Variants in VAPB observed in about 807,000 individuals in gnomAD.
The protein encoded by VAPB is vesicle-associated membrane protein-associated protein B/C.
In VAPB, 7 loss-of-function variants were observed where a neutral mutation model predicts 25.6. The ratio of observed to expected loss-of-function variants is 0.27; its 90% confidence interval spans 0.16 to 0.51. The LOEUF (loss-of-function observed/expected upper bound fraction) is 0.51, where lower values mean the gene tolerates loss of function less well. Among genes scored for constraint, VAPB ranks in the 20% least tolerant of loss-of-function variants. VAPB has a pLI of 0.97. For synonymous variants in VAPB, 112 were observed against 109.2 expected (o/e 1.03, Z -0.16); for missense variants, 266 against 301.3 (o/e 0.88, Z 0.87).
chr20:58,447,943 G>A lies in VAPB; in HGVS notation c.*3708G>A, dbSNP rs943480583. 2.2e-6 allele frequency: 1 copy of A among 453,754 alleles called. No individual in the cohort carries two copies. Among genetic ancestry groups the A allele is most frequent in the Non-Finnish European group, 4.4e-6 (1 of 226,766 alleles). The allele number at this position is 453,754 out of a possible 1,614,324, so 28.1% of individuals were successfully genotyped here. On this transcript the variant is annotated 3_prime_UTR_variant, in exon 6 of 6. Transcript: ENST00000475243. Reference sequence around the variant, plus strand: ...AACATTTAACTCCTGAGACCTTCTCGGTGTAGAGGCCACTGCTTCCCCCTG... The same window carrying A: ...AACATTTAACTCCTGAGACCTTCTCAGTGTAGAGGCCACTGCTTCCCCCTG...
intron 1 of VAPB, among the ~76,000 whole-genome samples, chr20:58,392,338 T>C (rs1280840887): frequency 2.0e-5 from 3 of 152,196 alleles, no homozygotes; most frequent in African/African-American, 4.8e-5. Flanking sequence ...AGAATAGCGA[T>C]CATTCTGGCC....
At chr20:58,414,441 G>A (rs1211462849) in intron 1 of VAPB, among the ~76,000 whole-genome samples, 3 of 150,148 alleles carry the variant, frequency 2.0e-5, no homozygotes, top group Admixed American at 1.3e-4. Flanking sequence ...GGCAGCCGCC[G>A]GGCGGAGGGT....
At chr20:58,421,898 C>T (rs931469003) in intron 2 of VAPB, among the ~76,000 whole-genome samples, 3 of 152,098 alleles carry the variant, frequency 2.0e-5, no homozygotes, top group Admixed American at 1.3e-4. Context: ...TTCACATTAC[C>T]CTGATATTCA....
intron 1 of VAPB, among the ~76,000 whole-genome samples, chr20:58,402,878 G>A (rs1050760131): frequency 1.3e-5 from 2 of 152,120 alleles, no homozygotes; most frequent in African/African-American, 4.8e-5. Flanking sequence ...GGTGGTGCAT[G>A]CCCATAATCC....
rs898500392 is a variant in VAPB at position 58,389,248 on chromosome 20, G to T, written c.-212G>T. 1.5e-6 allele frequency: 1 copy of T among 663,150 alleles called. No homozygotes were observed. Among genetic ancestry groups the T allele is most frequent in the Admixed American group, 2.1e-5 (1 of 47,622 alleles). 41.1% of individuals were successfully genotyped at this position (663,150 alleles called of 1,614,324 possible). ...GTGCGTGCGTGCCGTCAGCTCGCCG[G>T]GCACCGCGGCCTCGCCCTCGCCCTC... On this transcript the variant is annotated 5_prime_UTR_variant, in exon 1 of 6. Coordinates refer to ENST00000475243, the MANE Select transcript of VAPB (RefSeq NM_004738.5).
At position 58,450,652 on chromosome 20, in the gene VAPB, G is replaced by T. The variant is rs776983955; in HGVS notation, c.*6417G>T. On this transcript the variant is annotated 3_prime_UTR_variant, in exon 6 of 6. Transcript: ENST00000475243. Reference sequence around the variant, plus strand: ...CCATGCTGTTCTCTCCCTATTCTACGTCTTTCTCCCTATGTTGAAAAAAGA... The same window carrying T: ...CCATGCTGTTCTCTCCCTATTCTACTTCTTTCTCCCTATGTTGAAAAAAGA... 1 of 453,686 alleles carries T rather than the reference G, an allele frequency of 2.2e-6. No homozygotes were observed. Among genetic ancestry groups the T allele is most frequent in the South Asian group, 1.6e-5 (1 of 64,474 alleles). 28.1% of individuals were successfully genotyped at this position (453,686 alleles called of 1,614,324 possible). A position where few individuals can be genotyped will look rare whatever the true frequency, so the allele number is the denominator to read the frequency against.
At position 58,444,250 on chromosome 20, in the gene VAPB, G is replaced by A; in HGVS notation, c.*15G>A. The A allele has an allele frequency of 6.2e-7, 1 of 1,614,152 alleles. No individual in the cohort carries two copies. The highest frequency in any genetic ancestry group is 1.3e-5 in the African/African-American group (1 of 75,036). The stretch of plus-strand genomic sequence containing the variant: ...TTGCCTTGTAGAGGTAGCATGCACA[G>A]GATGGTAAATTGGATTGGTGGATCC... On this transcript the variant is annotated 3_prime_UTR_variant, in exon 6 of 6. Coordinates refer to ENST00000475243, the MANE Select transcript of VAPB (RefSeq NM_004738.5).
rs113514014 is a variant in VAPB, at chr20:58,391,537, G to GT, written c.58+2033dup. Among the ~76,000 whole-genome samples, 475 of 145,288 alleles carry GT rather than the reference G, an allele frequency of 3.3e-3. 5 individuals are homozygous for GT. The highest frequency in any genetic ancestry group is 0.017 in the South Asian group (80 of 4,604). ...GGGCTCCTTTGGGATGCCACTAGTA[G>GT]TTTTTTTTTTTTTGAGATAGAGTTC... On this transcript the variant is annotated intron_variant, in intron 1 of 5. Transcript: ENST00000475243.
intron 5 of VAPB, among the ~76,000 whole-genome samples, chr20:58,442,850 A>G (rs1347449390): frequency 6.6e-6 from 1 of 152,194 alleles, no homozygotes; most frequent in East Asian, 1.9e-4. Flanking sequence ...CCCAGGACCT[A>G]CTAGGTACTC....
At chr20:58,423,833 A>G (rs1988727544) in intron 2 of VAPB, among the ~76,000 whole-genome samples, 1 of 152,244 alleles carries the variant, frequency 6.6e-6, no homozygotes, top group Non-Finnish European at 1.5e-5. Context: ...CTCAGATAAG[A>G]ACAACTCACA....
intron 1 of VAPB, among the ~76,000 whole-genome samples, chr20:58,399,758 C>G (rs1259364362): frequency 6.6e-6 from 1 of 151,978 alleles, no homozygotes; most frequent in Non-Finnish European, 1.5e-5. Context: ...TGTGTTTCCC[C>G]CTAAGAACTT....
intron 1 of VAPB, among the ~76,000 whole-genome samples, chr20:58,401,570 C>T (rs80271981): frequency 0.012 from 1,789 of 152,162 alleles, 18 homozygotes; most frequent in South Asian, 0.031. Context: ...GCTTTTCTTC[C>T]GCCCATGTGG....
intron 1 of VAPB, among the ~76,000 whole-genome samples, chr20:58,412,745 A>G (rs1250073409): frequency 5.3e-5 from 8 of 152,150 alleles, no homozygotes; most frequent in African/African-American, 1.9e-4. Flanking sequence ...ATTTGATGGG[A>G]CATGAACTTT....
At chr20:58,436,130 G>C (rs1219748232) in intron 3 of VAPB, among the ~76,000 whole-genome samples, 4 of 152,048 alleles carry the variant, frequency 2.6e-5, no homozygotes, top group African/African-American at 9.7e-5. Context: ...TGTGTAATAG[G>C]CCAGTCACTG....
At chr20:58,418,856 G>A (rs1442110454) in intron 2 of VAPB, among the ~76,000 whole-genome samples, 1 of 152,194 alleles carries the variant, frequency 6.6e-6, no homozygotes, top group African/African-American at 2.4e-5. Flanking sequence ...CGCCAAGAGA[G>A]ATGAGGGCTG....
intron 1 of VAPB, among the ~76,000 whole-genome samples, chr20:58,412,719 A>G (rs1016510554): frequency 5.9e-5 from 9 of 152,136 alleles, no homozygotes; most frequent in Admixed American, 3.3e-4. Flanking sequence ...GGAAATTTTC[A>G]TTATTACTTT....
At chr20:58,423,440 A>G (rs1568711820) in intron 2 of VAPB, among the ~76,000 whole-genome samples, 1 of 149,778 alleles carries the variant, frequency 6.7e-6, no homozygotes, top group African/African-American at 2.4e-5. Context: ...AAAAAAAAAA[A>G]AAAAAAAAAG....
chr20:58,445,070 C>T lies in VAPB; in HGVS notation c.*835C>T. On this transcript the variant is annotated 3_prime_UTR_variant, in exon 6 of 6. Transcript: ENST00000475243. ...GCTGGAGGGCTGTGGGCTCCTCTGTCTCTGGAGAGTCTGGTCATGTGGAGG... is the reference window on the plus strand; with the variant it reads ...GCTGGAGGGCTGTGGGCTCCTCTGTTTCTGGAGAGTCTGGTCATGTGGAGG... The T allele has an allele frequency of 2.2e-6, 1 of 454,716 alleles. No individual in the cohort carries two copies. Among genetic ancestry groups the T allele is most frequent in the Admixed American group, 2.3e-5 (1 of 42,578 alleles). The allele number at this position is 454,716 out of a possible 1,614,324, so 28.2% of individuals were successfully genotyped here. A position where few individuals can be genotyped will look rare whatever the true frequency, so the allele number is the denominator to read the frequency against.
chr20:58,426,221 T>C (rs1422296056), intron 2 of VAPB, among the ~76,000 whole-genome samples: 1 of 152,058 alleles, frequency 6.6e-6, no homozygotes, highest in African/African-American at 2.4e-5. Context: ...TTTATGGAGT[T>C]GGGGTCTTGC....
Sources: allele counts gnomAD v4.1 joint callset (sites outside exome capture counted in the v4.1 genomes callset), GRCh38; gene constraint gnomAD v4.1.1; transcripts MANE v1.5; gene names NCBI Gene and HGNC (gene_info 2026-07-23, HGNC 2026-07-21).